SPATA6: variants seen among roughly 807,000 people sequenced by gnomAD.
The protein encoded by SPATA6 is spermatogenesis-associated protein 6.
SPATA6 carries 56 observed loss-of-function variants against 65.3 expected under a neutral mutation model. The ratio of observed to expected loss-of-function variants is 0.86; its 90% CI spans 0.69 to 1.07. SPATA6 has a LOEUF of 1.07. Ranked by LOEUF, SPATA6 falls within the 50% of genes least tolerant of loss-of-function variation. The pLI, the probability that SPATA6 is intolerant of heterozygous loss-of-function variation, is 0.00. For synonymous variants in SPATA6, 199 were observed against 213.2 expected (o/e 0.93, Z 0.58); for missense variants, 590 against 594.8 (o/e 0.99, Z 0.08).
In SPATA6 at chr1:48,395,315, A is replaced by C; in HGVS notation, c.820T>G (p.Ser274Ala). ...TCTCTTTCACAGTCTCTTCCAGAAG[A>C]TCCCAATAAAGTATCAGCCCTGGGA... ...PSPRADTLLG[S>A]SGRDCERDGW... The change falls in exon 8 of 13, where the codon TCT becomes GCT. Residue 274 changes from serine to alanine, a missense_variant. By Grantham distance (99) the Ser-to-Ala change is moderately conservative (BLOSUM62 1). Transcript: ENST00000371847. The C allele has an allele frequency of 6.4e-7, 1 of 1,570,292 alleles. No individual in the cohort carries two copies. The highest frequency in any genetic ancestry group is 8.7e-7 in the Non-Finnish European group (1 of 1,155,856).
the SPATA6 span, among the ~76,000 whole-genome samples, chr1:48,268,758 G>A: frequency 6.6e-6 from 1 of 152,112 alleles, no homozygotes; most frequent in African/African-American, 2.4e-5. Context: ...AGGTATAAAA[G>A]GTTAATAGAA....
intron 3 of SPATA6, among the ~76,000 whole-genome samples, chr1:48,425,294 T>C (rs1653731464): frequency 6.6e-6 from 1 of 152,202 alleles, no homozygotes; most frequent in South Asian, 2.1e-4. Flanking sequence ...AAAAATGAGT[T>C]CACTGTAGGT....
intron 11 of SPATA6, among the ~76,000 whole-genome samples, chr1:48,309,757 T>C (rs908176336): frequency 1.3e-5 from 2 of 152,168 alleles, no homozygotes; most frequent in African/African-American, 4.8e-5. Flanking sequence ...CAACATTCCT[T>C]TTTGTGGGTG....
chr1:48,439,058 T>G (rs1655208916), intron 3 of SPATA6, among the ~76,000 whole-genome samples: 1 of 152,140 alleles, frequency 6.6e-6, no homozygotes, highest in South Asian at 2.1e-4. Context: ...CTTCCCTCCC[T>G]CAGGGTATGG....
At chr1:48,338,444 C>A (rs1646120246) in intron 11 of SPATA6, among the ~76,000 whole-genome samples, 1 of 151,998 alleles carries the variant, frequency 6.6e-6, no homozygotes, top group East Asian at 1.9e-4. Context: ...CATCTTCCTG[C>A]TATCTCACGA....
intron 3 of SPATA6, among the ~76,000 whole-genome samples, chr1:48,427,117 G>C (rs1307959723): frequency 1.3e-5 from 2 of 151,556 alleles, no homozygotes; most frequent in Non-Finnish European, 2.9e-5. Flanking sequence ...TGTAGAGATG[G>C]GGGTCTCACT....
At chr1:48,385,702 G>A (rs1649392254) in intron 8 of SPATA6, among the ~76,000 whole-genome samples, 1 of 152,238 alleles carries the variant, frequency 6.6e-6, no homozygotes, top group African/African-American at 2.4e-5. Context: ...AGATTTGACA[G>A]ATATTGTCAA....
intron 3 of SPATA6, among the ~76,000 whole-genome samples, chr1:48,426,106 T>C (rs890368278): frequency 3.3e-5 from 5 of 152,172 alleles, no homozygotes; most frequent in Admixed American, 6.5e-5. Flanking sequence ...AATGAGAAAA[T>C]GTAGGGAATT....
At chr1:48,280,770 A>G in the SPATA6 span, among the ~76,000 whole-genome samples, 3 of 152,194 alleles carry the variant, frequency 2.0e-5, no homozygotes, top group African/African-American at 7.2e-5. Flanking sequence ...AGGAACTGGT[A>G]CCATTCCTTC....
the SPATA6 span, among the ~76,000 whole-genome samples, chr1:48,267,450 A>G: frequency 6.6e-6 from 1 of 152,156 alleles, no homozygotes; most frequent in Admixed American, 6.5e-5. Context: ...GGCTTGGAGA[A>G]TGAGTGCAAA....
chr1:48,464,851 C>T (rs1003082519), intron 1 of SPATA6, among the ~76,000 whole-genome samples: 3 of 152,000 alleles, frequency 2.0e-5, no homozygotes, highest in African/African-American at 2.4e-5. Flanking sequence ...TATACATTTA[C>T]GATTTGTGTA....
chr1:48,305,287 C>T (rs1162730170), intron 12 of SPATA6, among the ~76,000 whole-genome samples: 1 of 152,126 alleles, frequency 6.6e-6, no homozygotes, highest in African/African-American at 2.4e-5. Flanking sequence ...ATTCAAAGAA[C>T]GTTTGGCTGT....
At chr1:48,382,631 C>CA (rs1389343118) in intron 9 of SPATA6, among the ~76,000 whole-genome samples, 13 of 10,630 alleles carry the variant, frequency 1.2e-3, no homozygotes, top group South Asian at 3.7e-3. Flanking sequence ...GCTGGCCGAC[C>CA]CCCCCCCCCC....
intron 9 of SPATA6, among the ~76,000 whole-genome samples, chr1:48,364,941 G>A (rs1278537186): frequency 6.6e-6 from 1 of 151,990 alleles, no homozygotes; most frequent in African/African-American, 2.4e-5. Flanking sequence ...GGTCTTACAT[G>A]TAAGTCTTTA....
At chr1:48,272,524 T>G in the SPATA6 span, among the ~76,000 whole-genome samples, 1 of 152,154 alleles carries the variant, frequency 6.6e-6, no homozygotes. Flanking sequence ...TTCCTTCTTT[T>G]ATTAAGGCAG....
rs149699107 is a variant in SPATA6, at chr1:48,436,717, A to G, written c.238+14835T>C. The G allele has an allele frequency of 6.4e-3, 10,408 of 1,614,190 alleles. 69 individuals carry two copies. The highest frequency in any genetic ancestry group is 0.016 in the South Asian group (1,446 of 91,086). The stretch of plus-strand genomic sequence containing the variant: ...ACATGGGTATAATGTGAAGTCAGAT[A>G]TTTACAGTGTTGGGATTACAGCATG... On this transcript the variant is annotated intron_variant, in intron 3 of 12. Coordinates refer to ENST00000371847, the MANE Select transcript of SPATA6 (RefSeq NM_019073.4).
At chr1:48,266,692 G>T in the SPATA6 span, among the ~76,000 whole-genome samples, 3 of 152,106 alleles carry the variant, frequency 2.0e-5, no homozygotes, top group African/African-American at 7.2e-5. Flanking sequence ...TCAAAAGCTG[G>T]CATCTTTTCT....
At chr1:48,318,449 T>C (rs1438876570) in intron 11 of SPATA6, among the ~76,000 whole-genome samples, 2 of 152,124 alleles carry the variant, frequency 1.3e-5, no homozygotes, top group African/African-American at 2.4e-5. Flanking sequence ...GATTAACATA[T>C]GAAAATGCAT....
Position 48,359,758 on chromosome 1 carries a change from G to A in SPATA6, c.922C>T (p.Pro308Ser), listed in dbSNP as rs143430560. 6.2e-7 allele frequency: 1 copy of A among 1,610,974 alleles called. No homozygotes were observed. The highest frequency in any genetic ancestry group is 8.5e-7 in the Non-Finnish European group (1 of 1,178,712). The change falls in exon 10 of 13, where the codon CCC becomes TCC. Residue 308 changes from proline to serine, a missense_variant. Coordinates refer to ENST00000371847, the MANE Select transcript of SPATA6 (RefSeq NM_019073.4). ...GAGTCATCGAAGTCTCTCCCATGGGGTGTCCTGATAACCTGTTTTAAAAAT... is the reference window on the plus strand; with the variant it reads ...GAGTCATCGAAGTCTCTCCCATGGGATGTCCTGATAACCTGTTTTAAAAAT... ...RPKDYKVIRT[P>S]HGRDFDDSLE...
Sources: gnomAD v4.1 joint callset for allele counts (sites outside exome capture counted in the v4.1 genomes callset) on GRCh38, gnomAD v4.1.1 for gene constraint, MANE v1.5 for transcripts, NCBI Gene and HGNC (gene_info 2026-07-23, HGNC 2026-07-21) for gene names.